LRRC58: variants seen among roughly 807,000 people sequenced by gnomAD.
LRRC58 encodes leucine-rich repeat-containing protein 58.
LRRC58 carries 18 observed loss-of-function variants against 30.6 expected under a neutral mutation model. The observed-to-expected ratio is 0.59, with a 90% CI of 0.41 to 0.87. LRRC58 has a LOEUF of 0.87. LRRC58 is among the 40% of genes least tolerant of loss of function. The pLI, the probability that LRRC58 is intolerant of heterozygous loss-of-function variation, is 0.00. For synonymous variants in LRRC58, 221 were observed against 206.0 expected (o/e 1.07, Z -0.62); for missense variants, 420 against 468.4 (o/e 0.90, Z 0.95).
chr3:120,337,051 T>C (rs1019312541), intron 1 of LRRC58, among the ~76,000 whole-genome samples: 8 of 152,030 alleles, frequency 5.3e-5, no homozygotes, highest in African/African-American at 1.7e-4. Context: ...ACTTCCATGG[T>C]AAGAATTCCC....
Position 120,327,247 on chromosome 3 carries a change from C to CTTTTTTTTTTTTT in LRRC58, c.*3940_*3952dup, listed in dbSNP as rs66631816. The stretch of plus-strand genomic sequence containing the variant: ...CTAGCCCTGTGGCTTCTAAAGATTT[C>CTTTTTTTTTTTTT]TTTTTTTTTTTTTTTTTTTTTTGAG... On this transcript the variant is annotated 3_prime_UTR_variant, in exon 4 of 4. Transcript: ENST00000295628. 6.2e-5 allele frequency: 6 copies of CTTTTTTTTTTTTT among 96,698 alleles called. No homozygotes were observed. The highest frequency in any genetic ancestry group is 8.1e-5 in the African/African-American group (2 of 24,640). The allele number at this position is 96,698 out of a possible 1,614,324, so 6.0% of individuals were successfully genotyped here. A position where few individuals can be genotyped will look rare whatever the true frequency, so the allele number is the denominator to read the frequency against.
chr3:120,334,742 T>C (rs569528897), intron 3 of LRRC58, 120 bp downstream of exon 3: 229 of 951,674 alleles, frequency 2.4e-4, no homozygotes, highest in South Asian at 1.1e-3. Context: ...AATGTCTTTC[T>C]CATAAATGAG....
intron 1 of LRRC58, among the ~76,000 whole-genome samples, chr3:120,346,230 C>G (rs922671356): frequency 2.6e-5 from 4 of 152,058 alleles, no homozygotes; most frequent in Non-Finnish European, 4.4e-5. Flanking sequence ...GCACTCCAGC[C>G]TGGGCAACAG....
chr3:120,326,104 A>G lies in LRRC58; in HGVS notation c.*5096T>C, dbSNP rs1935669764. On this transcript the variant is annotated 3_prime_UTR_variant, in exon 4 of 4. Transcript: ENST00000295628. Reference sequence around the variant, plus strand: ...GATTTAAGGCACATACTTCCTGACCACAACTGAAATCATGATACCTTTAAA... The same window carrying G: ...GATTTAAGGCACATACTTCCTGACCGCAACTGAAATCATGATACCTTTAAA... 1 of 152,202 alleles carries G rather than the reference A, an allele frequency of 6.6e-6. No homozygotes were observed. Among genetic ancestry groups the G allele is most frequent in the African/African-American group, 2.4e-5 (1 of 41,452 alleles). 9.4% of individuals were successfully genotyped at this position (152,202 alleles called of 1,614,324 possible).
rs545989809 is a variant in LRRC58, at chr3:120,344,510, C to T, written c.500+4234G>A. ...GTCTCCTTTCTAACATATCAACCTACTGTACACTAACTTCAAAACATTTGA... is the reference window on the plus strand; with the variant it reads ...GTCTCCTTTCTAACATATCAACCTATTGTACACTAACTTCAAAACATTTGA... On this transcript the variant is annotated intron_variant, in intron 1 of 3. Coordinates refer to ENST00000295628, the MANE Select transcript of LRRC58 (RefSeq NM_001099678.2). 3.9e-3 allele frequency among the ~76,000 whole-genome samples: 596 copies of T among 152,340 alleles called. 5 individuals are homozygous for T. The highest frequency in any genetic ancestry group is 6.8e-3 in the Middle Eastern group (2 of 294).
chr3:120,331,457 A>G (rs375549625), intron 3 of LRRC58, 49 bp from the exon 4 acceptor site: 2 of 1,445,388 alleles, frequency 1.4e-6, no homozygotes, highest in Admixed American at 1.7e-5. Flanking sequence ...CAAGGAATCA[A>G]TTTCTTTTTC....
At chr3:120,348,439 C>T (rs531163050) in intron 1 of LRRC58, among the ~76,000 whole-genome samples, 1 of 152,324 alleles carries the variant, frequency 6.6e-6, no homozygotes, top group South Asian at 2.1e-4. Flanking sequence ...GTGACAACCT[C>T]TGATTTACAT....
chr3:120,332,941 G>T (rs1001620853), intron 3 of LRRC58, among the ~76,000 whole-genome samples: 1 of 151,584 alleles, frequency 6.6e-6, no homozygotes, highest in Admixed American at 6.6e-5. Context: ...GTAGAGATGG[G>T]GTCTCGCTAT....
chr3:120,343,016 C>A (rs1168913069), intron 1 of LRRC58, among the ~76,000 whole-genome samples: 3 of 152,202 alleles, frequency 2.0e-5, no homozygotes, highest in Non-Finnish European at 4.4e-5. Flanking sequence ...CTCTGGTGAT[C>A]ATTTGCTACT....
In LRRC58 at chr3:120,326,898, T is replaced by C. The variant is rs541664175; in HGVS notation, c.*4302A>G. The C allele has an allele frequency of 6.2e-4, 95 of 152,362 alleles. No homozygotes were observed. The highest frequency in any genetic ancestry group is 2.2e-3 in the African/African-American group (92 of 41,592). The allele number at this position is 152,362 out of a possible 1,614,324, so 9.4% of individuals were successfully genotyped here. On this transcript the variant is annotated 3_prime_UTR_variant, in exon 4 of 4. Transcript: ENST00000295628. ...CAAATTTTATTTGCACTATTTGCTG[T>C]GTGTTTTTTCTTTTTTACATAGTGA...
rs111898403 is a variant in LRRC58 at position 120,331,048 on chromosome 3, G to A, written c.*152C>T. 9.3e-3 allele frequency: 5,990 copies of A among 641,624 alleles called. 39 individuals carry two copies. Among genetic ancestry groups the A allele is most frequent in the Middle Eastern group, 0.018 (45 of 2,460 alleles). 39.7% of individuals were successfully genotyped at this position (641,624 alleles called of 1,614,324 possible). A position where few individuals can be genotyped will look rare whatever the true frequency, so the allele number is the denominator to read the frequency against. On this transcript the variant is annotated 3_prime_UTR_variant, in exon 4 of 4. Transcript: ENST00000295628. ...GACTGGACTCATTCTTGCTGAATGG[G>A]TAGATGAAACACAAAATGTTTTATA...
chr3:120,342,818 A>G (rs1254163235), intron 1 of LRRC58, among the ~76,000 whole-genome samples: 1 of 152,230 alleles, frequency 6.6e-6, no homozygotes, highest in Non-Finnish European at 1.5e-5. Flanking sequence ...GGCCACAGTG[A>G]GAAGACTGCA....
At chr3:120,339,342 C>A (rs1011636395) in intron 1 of LRRC58, among the ~76,000 whole-genome samples, 5 of 152,164 alleles carry the variant, frequency 3.3e-5, no homozygotes, top group Admixed American at 2.6e-4. Flanking sequence ...CGATTTTCTA[C>A]CAATTTATTT....
intron 3 of LRRC58, among the ~76,000 whole-genome samples, 195 bp downstream of exon 3, chr3:120,334,667 G>A (rs1306760255): frequency 6.6e-6 from 1 of 151,980 alleles, no homozygotes; most frequent in East Asian, 1.9e-4. Flanking sequence ...GACTTCCTGG[G>A]TATGTTCCTT....
chr3:120,347,629 G>A (rs1461369166), intron 1 of LRRC58, among the ~76,000 whole-genome samples: 1 of 150,658 alleles, frequency 6.6e-6, no homozygotes, highest in South Asian at 2.1e-4. Context: ...CTGACCTCAT[G>A]ATCCACCTGC....
At chr3:120,333,824 T>G (rs1935794862) in intron 3 of LRRC58, among the ~76,000 whole-genome samples, 1 of 152,210 alleles carries the variant, frequency 6.6e-6, no homozygotes, top group Admixed American at 6.5e-5. Flanking sequence ...AAATTACTAC[T>G]CATCCAACAG....
At position 120,335,084 on chromosome 3, in the gene LRRC58, G is replaced by A. The variant is rs756973709; in HGVS notation, c.685C>T (p.Arg229Ter). The change falls in exon 3 of 4, where the codon CGA (arginine) becomes TGA (stop). Residue 229 changes from arginine (R) to a stop codon, truncating the protein, a stop_gained. Transcript: ENST00000295628. LOFTEE classifies it high-confidence loss of function. Reference protein sequence around the residue: ...LHNNLLTYLPREILNLIHLEE... With the variant: ...LHNNLLTYLP ...AAATGAATAAGGTTGAGGATCTCTC[G>A]AGGCAGATATGTCAGCAAGTTATTG... 4.3e-6 allele frequency: 7 copies of A among 1,613,910 alleles called. No homozygotes were observed. Among genetic ancestry groups the A allele is most frequent in the South Asian group, 1.1e-5 (1 of 91,078 alleles).
At chr3:120,343,530 T>A (rs1207644382) in intron 1 of LRRC58, among the ~76,000 whole-genome samples, 1 of 152,238 alleles carries the variant, frequency 6.6e-6, no homozygotes, top group East Asian at 1.9e-4. Flanking sequence ...GAACAAATTA[T>A]TCCTTTCCTG....
Position 120,348,837 on chromosome 3 carries a change from G to C in LRRC58, c.407C>G (p.Pro136Arg). The part of the protein sequence containing the change: ...NLSGNCFQEV[P>R]ASLLELRALQ... ...CGCGCGCAGCTCTAAGAGCGAGGCA[G>C]GCACCTCCTGGAAACAGTTGCCGCT... Residue 136 changes from proline to arginine, a missense_variant, in exon 1 of 4, where the codon CCT becomes CGT. By Grantham distance (103) the Pro-to-Arg change is moderately radical. Around this residue, in one of 2 missense-constraint regions of LRRC58, gnomAD observed 266 missense variants for 251.7 expected, o/e 1.06. Coordinates refer to ENST00000295628, the MANE Select transcript of LRRC58 (RefSeq NM_001099678.2). The C allele has an allele frequency of 6.2e-7, 1 of 1,604,904 alleles. No homozygotes were observed.
Sources: gnomAD v4.1 joint callset for allele counts (sites outside exome capture counted in the v4.1 genomes callset) on GRCh38, gnomAD v4.1.1 for gene constraint, gnomAD v4.1.1 regional missense constraint, MANE v1.5 for transcripts, NCBI Gene and HGNC (gene_info 2026-07-23, HGNC 2026-07-21) for gene names.